Variants in MAP4K2 observed in about 807,000 individuals in gnomAD.
MAP4K2 encodes B lymphocyte serine/threonine protein kinase.
A neutral mutation model predicts 125.3 loss-of-function variants in MAP4K2; 85 were observed. The ratio of observed to expected loss-of-function variants is 0.68; its 90% CI spans 0.57 to 0.81. The LOEUF (loss-of-function observed/expected upper bound fraction) is 0.81, where lower values mean the gene tolerates loss of function less well. Ranked by LOEUF, MAP4K2 falls within the 40% of genes least tolerant of loss-of-function variation. The probability of loss-of-function intolerance (pLI) is 0.00; values close to 1 mark genes in which losing one functional copy is unlikely to be tolerated. For missense variants in MAP4K2, 923 were observed against 1,056.4 expected, an observed-to-expected ratio of 0.87 and a Z score of 1.75; for synonymous variants, 479 against 445.1, an observed-to-expected ratio of 1.08 and a Z score of -0.96.
chr11:64,793,901 T>C (rs532526990), intron 24 of MAP4K2, among the ~76,000 whole-genome samples: 13 of 152,190 alleles, frequency 8.5e-5, no homozygotes, highest in Non-Finnish European at 1.8e-4. Context: ...GCAGACTCAC[T>C]TGGGGACTGA....
Position 64,789,875 on chromosome 11 carries a change from T to C in MAP4K2, c.2319+14A>G. 6.2e-7 allele frequency: 1 copy of C among 1,613,988 alleles called. No individual in the cohort carries two copies. Among genetic ancestry groups the C allele is most frequent in the Non-Finnish European group, 8.5e-7 (1 of 1,179,978 alleles). On this transcript the variant is annotated intron_variant, in intron 30 of 31. Coordinates refer to ENST00000294066, the MANE Select transcript of MAP4K2 (RefSeq NM_004579.5). ...ACAAGGCAGGGGACAGCAAGGTCCC[T>C]GGGCCCCACTCACCTCATTGGTATC...
intron 24 of MAP4K2, 21 bp downstream of exon 24, chr11:64,796,252 T>C: frequency 3.3e-6 from 5 of 1,515,900 alleles, no homozygotes; most frequent in Non-Finnish European, 4.4e-6. Context: ...TCCCGCTCCC[T>C]GCACGCCCAA....
intron 7 of MAP4K2, 47 bp downstream of exon 7, chr11:64,801,532 G>A (rs376900975): frequency 3.1e-6 from 5 of 1,608,568 alleles, no homozygotes; most frequent in South Asian, 2.2e-5. Context: ...GGTAGCCGGG[G>A]AGGGTCCACA....
chr11:64,800,840 G>A lies in MAP4K2; in HGVS notation c.663-14C>T, dbSNP rs376160908. 43 of 1,613,310 alleles carry A rather than the reference G, an allele frequency of 2.7e-5. No individual in the cohort carries two copies. The highest frequency in any genetic ancestry group is 2.1e-4 in the African/African-American group (16 of 74,930). On this transcript the variant is annotated splice_polypyrimidine_tract_variant and intron_variant, in intron 9 of 31. Transcript: ENST00000294066. ...AGCATCAGGGCCCTGTGGAGGGCGC[G>A]AGGTCAGGGGCCACAGGCCGCAGAT...
chr11:64,791,062 C>A (rs1296367984), intron 27 of MAP4K2, among the ~76,000 whole-genome samples: 1 of 152,114 alleles, frequency 6.6e-6, no homozygotes, highest in East Asian at 1.9e-4. Flanking sequence ...CTTGAACCCA[C>A]GAGGCAGAGG....
chr11:64,798,952 G>A (rs890159274), intron 14 of MAP4K2, 115 bp from the exon 15 acceptor site: 1 of 863,890 alleles, frequency 1.2e-6, no homozygotes, highest in Non-Finnish European at 1.8e-6. Flanking sequence ...GGAAAGGTGA[G>A]ATGGAAACAC....
intron 24 of MAP4K2, among the ~76,000 whole-genome samples, chr11:64,795,110 G>A (rs569633415): frequency 7.2e-6 from 1 of 139,770 alleles, no homozygotes; most frequent in East Asian, 2.1e-4. Context: ...TTGAGATGCA[G>A]TCTCACTCTG....
At position 64,789,967 on chromosome 11, in the gene MAP4K2, G is replaced by C; in HGVS notation, c.2249-8C>G. 1 of 1,612,922 alleles carries C rather than the reference G, an allele frequency of 6.2e-7. No individual in the cohort carries two copies. The highest frequency in any genetic ancestry group is 1.3e-5 in the African/African-American group (1 of 75,006). Reference sequence around the variant, plus strand: ...CACTGTCCTGCAGGCACACTATGGGGGCCAGGCCACCATCAGCCCTGCACC... The same window carrying C: ...CACTGTCCTGCAGGCACACTATGGGCGCCAGGCCACCATCAGCCCTGCACC... On this transcript the variant is annotated splice_region_variant and splice_polypyrimidine_tract_variant and intron_variant, in intron 29 of 31. Transcript: ENST00000294066.
chr11:64,791,961 G>A lies in MAP4K2; in HGVS notation c.2040C>T (p.Phe680=), dbSNP rs149847729. The part of the protein sequence containing the change: ...GPEGPGCRVL[F]HVLPLEAGLT... ...GGCCAGCCTCCAGGGGCAGGACATG[G>A]AACAGGACGCGGCAGCCGGGCCCCT... Residue 680 remains phenylalanine, a synonymous_variant, in exon 27 of 32, where the codon TTC becomes TTT. Transcript: ENST00000294066. The A allele has an allele frequency of 6.9e-4, 1,110 of 1,607,008 alleles. No homozygotes were observed. The highest frequency in any genetic ancestry group is 9.1e-4 in the South Asian group (82 of 89,734).
In MAP4K2 at chr11:64,791,988, A is replaced by AGGCCCCTC. The variant is rs770479589; in HGVS notation, c.2005_2012dup (p.Glu672ArgfsTer21). On this transcript the variant is annotated frameshift_variant, in exon 27 of 32. Transcript: ENST00000294066. LOFTEE classifies it high-confidence loss of function. Reference sequence around the variant, plus strand: ...ACAGGACGCGGCAGCCGGGCCCCTCAGGCCCCTCGGCCCCAACACACACCT... The same window carrying AGGCCCCTC: ...ACAGGACGCGGCAGCCGGGCCCCTCAGGCCCCTCGGCCCCTCGGCCCCAACACACACCT... The AGGCCCCTC allele has an allele frequency of 6.9e-6, 11 of 1,602,350 alleles. No homozygotes were observed. Among genetic ancestry groups the AGGCCCCTC allele is most frequent in the African/African-American group, 2.7e-5 (2 of 74,750 alleles).
At chr11:64,794,422 C>T (rs1213323780) in intron 24 of MAP4K2, among the ~76,000 whole-genome samples, 19 of 151,596 alleles carry the variant, frequency 1.3e-4, no homozygotes, top group African/African-American at 3.4e-4. Context: ...TGCAATGGTG[C>T]GATCTCGGCT....
chr11:64,800,205 C>T lies in MAP4K2; in HGVS notation c.819G>A (p.Thr273=), dbSNP rs374434121. 14 of 1,613,074 alleles carry T rather than the reference C, an allele frequency of 8.7e-6. No homozygotes were observed. The East Asian group carries it at 8.9e-5, about 10-fold the overall frequency. The change falls in exon 12 of 32, where the codon ACG becomes ACA. Residue 273 remains threonine (T), a synonymous_variant. Transcript: ENST00000294066. ...TAEKLLQHPF[T]TQQLPRALLT... is the part of the protein sequence containing the mutation. ...GGAGGGCCCGAGGGAGCTGCTGAGT[C>T]GTGAACGGGTGCTGGAAAGTGGGGG...
At position 64,791,993 on chromosome 11, in the gene MAP4K2, C is replaced by A. The variant is rs767263762; in HGVS notation, c.2008G>T (p.Gly670Trp). Residue 670 changes from glycine (G) to tryptophan (W), a missense_variant, in exon 27 of 32, where the codon GGG becomes TGG. Gly to Trp is a radical substitution (Grantham distance 184, BLOSUM62 -2). Around this residue, in one of 2 missense-constraint regions of MAP4K2, gnomAD observed 833 missense variants for 911.4 expected, o/e 0.91. Transcript: ENST00000294066. Reference sequence around the variant, plus strand: ...ACGCGGCAGCCGGGCCCCTCAGGCCCCTCGGCCCCAACACACACCTGCGGC... The same window carrying A: ...ACGCGGCAGCCGGGCCCCTCAGGCCACTCGGCCCCAACACACACCTGCGGC... ...ELPQVCVGAE[G>W]PEGPGCRVLF... The A allele has an allele frequency of 1.2e-6, 2 of 1,602,228 alleles. No homozygotes were observed. Among genetic ancestry groups the A allele is most frequent in the Admixed American group, 1.7e-5 (1 of 58,788 alleles).
intron 13 of MAP4K2, 32 bp from the exon 14 acceptor site, chr11:64,799,511 C>G: frequency 1.2e-6 from 2 of 1,612,016 alleles, no homozygotes; most frequent in Non-Finnish European, 1.7e-6. Flanking sequence ...AGTGAAGGAG[C>G]TGGAGTCTCA....
chr11:64,802,275 T>G (rs149067681), intron 4 of MAP4K2, 144 bp downstream of exon 4: 2 of 1,080,574 alleles, frequency 1.9e-6, no homozygotes, highest in Non-Finnish European at 2.7e-6. Context: ...AACCCAGAGA[T>G]GGACAGTATT....
At chr11:64,801,973 G>C in intron 5 of MAP4K2, 93 bp downstream of exon 5, 1 of 1,374,432 alleles carries the variant, frequency 7.3e-7, no homozygotes, top group East Asian at 2.5e-5. Flanking sequence ...AGCCCCACCC[G>C]AGGCACTCCA....
intron 24 of MAP4K2, 45 bp from the exon 25 acceptor site, chr11:64,792,467 G>A (rs1382596645): frequency 6.6e-7 from 1 of 1,523,416 alleles, no homozygotes; most frequent in Non-Finnish European, 8.9e-7. Context: ...TGCCATCCAT[G>A]GGCAAGGCCC....
chr11:64,802,876 G>A lies in MAP4K2; in HGVS notation c.154+9C>T, dbSNP rs1054666879. The stretch of plus-strand genomic sequence containing the variant: ...TCCTCTGGCGCAGAGGCCCGACCCG[G>A]GCCCTCACCTGGGTCTAGCTTGACT... On this transcript the variant is annotated intron_variant, in intron 2 of 31. Transcript: ENST00000294066. The A allele has an allele frequency of 2.5e-6, 4 of 1,599,590 alleles. No individual in the cohort carries two copies. Among genetic ancestry groups the A allele is most frequent in the Non-Finnish European group, 3.4e-6 (4 of 1,174,082 alleles).
rs1940324290 is a variant in MAP4K2 at position 64,789,119 on chromosome 11, C to G, written c.*418G>C. On this transcript the variant is annotated 3_prime_UTR_variant, in exon 32 of 32. Transcript: ENST00000294066. Reference sequence around the variant, plus strand: ...GATGAGGTGGGTTCACTCCCCCTACCCAGAGGGACCAGAGGACTAAAACAA... The same window carrying G: ...GATGAGGTGGGTTCACTCCCCCTACGCAGAGGGACCAGAGGACTAAAACAA... 5.1e-6 allele frequency: 1 copy of G among 197,600 alleles called. No homozygotes were observed. Among genetic ancestry groups the G allele is most frequent in the Non-Finnish European group, 1.1e-5 (1 of 95,088 alleles). 12.2% of individuals were successfully genotyped at this position (197,600 alleles called of 1,614,324 possible).
Sources: allele counts gnomAD v4.1 joint callset (sites outside exome capture counted in the v4.1 genomes callset), GRCh38; gene constraint gnomAD v4.1.1; regional missense constraint gnomAD v4.1.1; transcripts MANE v1.5; gene names NCBI Gene and HGNC (gene_info 2026-07-23, HGNC 2026-07-21).